The following NPAS3 variants were observed in gnomAD, a reference collection of about 807,000 sequenced individuals.
NPAS3 encodes neuronal PAS domain-containing protein 3.
Under a neutral mutation model 73.1 loss-of-function variants are expected in NPAS3, and 14 were observed. The observed-to-expected ratio is 0.19, with a 90% CI of 0.13 to 0.30. The LOEUF (loss-of-function observed/expected upper bound fraction) is 0.30. Ranked by LOEUF, NPAS3 falls within the 10% of genes least tolerant of loss-of-function variation. The pLI is 1.00. For synonymous variants in NPAS3, 620 were observed against 541.5 expected, an observed-to-expected ratio of 1.14 and a Z score of -2.01; for missense variants, 1,096 against 1,250.0, an observed-to-expected ratio of 0.88 and a Z score of 1.86.
chr14:33,104,456 G>C (rs1027154559), intron 2 of NPAS3, among the ~76,000 whole-genome samples: 2 of 152,132 alleles, frequency 1.3e-5, no homozygotes, highest in Admixed American at 1.3e-4. Flanking sequence ...TTTATATATA[G>C]TGAACTTGTC....
chr14:33,362,082 C>T lies in NPAS3; in HGVS notation c.386-5104C>T, dbSNP rs141963041. On this transcript the variant is annotated intron_variant, in intron 3 of 11. Transcript: ENST00000356141. Reference sequence around the variant, plus strand: ...CATGTATGTATATATACATATTGCACGAAAACTTCACATACAGTGCTTTCA... The same window carrying T: ...CATGTATGTATATATACATATTGCATGAAAACTTCACATACAGTGCTTTCA... 4.2e-3 allele frequency among the ~76,000 whole-genome samples: 639 copies of T among 152,092 alleles called. 5 individuals carry two copies. Among genetic ancestry groups the T allele is most frequent in the South Asian group, 0.016 (78 of 4,820 alleles).
exon 6 of NPAS3, chr14:33,676,362 C>G (rs764167888): frequency 3.1e-6 from 5 of 1,588,310 alleles, no homozygotes; most frequent in Admixed American, 1.9e-5. Flanking sequence ...TCTTCCTCCT[C>G]TCAGTCGGAG....
chr14:33,136,225 T>C (rs1227568732), intron 2 of NPAS3, among the ~76,000 whole-genome samples: 1 of 151,972 alleles, frequency 6.6e-6, no homozygotes, highest in African/African-American at 2.4e-5. Context: ...CACGCCCAGC[T>C]AATTTTTATA....
intron 2 of NPAS3, among the ~76,000 whole-genome samples, chr14:33,064,591 G>A (rs1014637879): frequency 1.3e-5 from 2 of 152,168 alleles, no homozygotes; most frequent in South Asian, 4.1e-4. Context: ...TGGTGGGCGG[G>A]GAGGGGGAGT....
intron 3 of NPAS3, among the ~76,000 whole-genome samples, chr14:33,326,178 C>T (rs887355671): frequency 2.0e-5 from 3 of 152,074 alleles, no homozygotes; most frequent in Admixed American, 1.3e-4. Flanking sequence ...AACAATGAGC[C>T]GCAGTGCAGG....
chr14:33,732,844 C>T (rs1428583095), intron 6 of NPAS3, among the ~76,000 whole-genome samples: 1 of 149,702 alleles, frequency 6.7e-6, no homozygotes, highest in African/African-American at 2.6e-5. Context: ...GGCACGATGC[C>T]GTGATTGGCT....
intron 3 of NPAS3, among the ~76,000 whole-genome samples, chr14:33,312,772 A>C (rs1341057469): frequency 6.6e-6 from 1 of 152,070 alleles, no homozygotes; most frequent in Non-Finnish European, 1.5e-5. Flanking sequence ...AGGATGACTG[A>C]AACAAAATCA....
At chr14:33,425,162 A>G (rs2048504854) in intron 4 of NPAS3, among the ~76,000 whole-genome samples, 1 of 152,052 alleles carries the variant, frequency 6.6e-6, no homozygotes, top group Non-Finnish European at 1.5e-5. Context: ...CAAGAGGATT[A>G]TGGTGAGACC....
chr14:33,761,783 G>C (rs2062300752), intron 7 of NPAS3, among the ~76,000 whole-genome samples: 1 of 149,996 alleles, frequency 6.7e-6, no homozygotes, highest in Non-Finnish European at 1.5e-5. Flanking sequence ...AGGGAGAATT[G>C]AGTGTCTTGC....
chr14:32,936,457 A>G (rs2035697168), upstream of NPAS3, among the ~76,000 whole-genome samples: 2 of 152,312 alleles, frequency 1.3e-5, no homozygotes, highest in Non-Finnish European at 2.9e-5. Context: ...TCAAACATGA[A>G]AGACTAGAAA....
intron 5 of NPAS3, among the ~76,000 whole-genome samples, chr14:33,631,679 A>G (rs907785084): frequency 6.6e-6 from 1 of 152,178 alleles, no homozygotes; most frequent in African/African-American, 2.4e-5. Context: ...TTGTGAACTC[A>G]GCTTAGGAAT....
chr14:33,146,986 C>A (rs2044258403), intron 2 of NPAS3, among the ~76,000 whole-genome samples: 1 of 151,946 alleles, frequency 6.6e-6, no homozygotes, highest in African/African-American at 2.4e-5. Flanking sequence ...AAAGTGAAAT[C>A]TTTTGTAATG....
Position 33,560,735 on chromosome 14 carries a change from A to C in NPAS3, c.558+525A>C, listed in dbSNP as rs112475394. On this transcript the variant is annotated intron_variant, in intron 5 of 11. Coordinates refer to ENST00000356141, the Ensembl canonical transcript of NPAS3. ...TGCTGAAAGATGATTTCATAAAATA[A>C]GACAGCTTTTCATTATTTGCCATTT... Among the ~76,000 whole-genome samples, 1,269 of 152,344 alleles carry C rather than the reference A, an allele frequency of 8.3e-3. 23 individuals are homozygous for C. The highest frequency in any genetic ancestry group is 0.029 in the African/African-American group (1,189 of 41,580).
intron 9 of NPAS3, 53 bp from the exon 10 acceptor site, chr14:33,793,844 G>T: frequency 9.1e-6 from 13 of 1,435,666 alleles, no homozygotes; most frequent in Non-Finnish European, 1.1e-5. Context: ...AAAAAAAAAA[G>T]TTATTTGATC....
chr14:33,279,850 C>T (rs2041515289), intron 3 of NPAS3, among the ~76,000 whole-genome samples: 1 of 152,030 alleles, frequency 6.6e-6, no homozygotes, highest in Non-Finnish European at 1.5e-5. Context: ...CACAAAATTG[C>T]CAGTATTTAA....
chr14:32,976,462 A>G (rs2037682513), intron 1 of NPAS3, among the ~76,000 whole-genome samples: 1 of 152,186 alleles, frequency 6.6e-6, no homozygotes, highest in Non-Finnish European at 1.5e-5. Flanking sequence ...GTATCAGTAC[A>G]GTTTTATATA....
In NPAS3 at chr14:33,446,229, G is replaced by A. The variant is rs576314186; in HGVS notation, c.468+78961G>A. ...TGTCGCCCAGGCCGGACTGCGGACT[G>A]CAGTGGCGCAATCTCGGCTCACTGC... On this transcript the variant is annotated intron_variant, in intron 4 of 11. Coordinates refer to ENST00000356141, the Ensembl canonical transcript of NPAS3. Among the ~76,000 whole-genome samples, 204 of 139,846 alleles carry A rather than the reference G, an allele frequency of 1.5e-3. 2 individuals are homozygous for A. Among genetic ancestry groups the A allele is most frequent in the Non-Finnish European group, 2.2e-3 (147 of 66,376 alleles). The allele number at this position is 139,846 out of a possible 152,430, so 91.7% of individuals were successfully genotyped here.
intron 2 of NPAS3, among the ~76,000 whole-genome samples, chr14:33,095,644 T>C (rs868401046): frequency 1.4e-5 from 2 of 147,224 alleles, no homozygotes; most frequent in South Asian, 4.2e-4. Flanking sequence ...CACAAAGGCG[T>C]GGGCATTCTC....
intron 2 of NPAS3, among the ~76,000 whole-genome samples, chr14:33,127,390 A>G (rs1486362631): frequency 6.6e-6 from 1 of 152,016 alleles, no homozygotes; most frequent in Non-Finnish European, 1.5e-5. Flanking sequence ...ATATGTCCTT[A>G]TTTTACCTTT....
Sources: gnomAD v4.1 joint callset for allele counts (sites outside exome capture counted in the v4.1 genomes callset) on GRCh38, gnomAD v4.1.1 for gene constraint, MANE v1.5 for transcripts, NCBI Gene and HGNC (gene_info 2026-07-23, HGNC 2026-07-21) for gene names.